The following MRTFB variants were observed in gnomAD, a reference collection of about 807,000 sequenced individuals.
MRTFB encodes the protein myocardin related transcription factor B, also known as myocardin-related transcription factor B.
A neutral mutation model predicts 104.2 loss-of-function variants in MRTFB; 29 were observed. That is an observed-to-expected ratio of 0.28 (90% CI 0.21 to 0.38). The LOEUF (loss-of-function observed/expected upper bound fraction) is 0.38. Among genes scored for constraint, MRTFB ranks in the 10% least tolerant of loss-of-function variants. The pLI is 1.00. For missense variants in MRTFB, 1,270 were observed against 1,341.6 expected (o/e 0.95, Z 0.83); for synonymous variants, 535 against 519.5 (o/e 1.03, Z -0.41).
chr16:14,127,072 C>T (rs576208949), intron 2 of MRTFB, among the ~76,000 whole-genome samples: 1 of 152,302 alleles, frequency 6.6e-6, no homozygotes, highest in East Asian at 1.9e-4. Context: ...AGGGGGTTAA[C>T]TAACTTGCCC....
the MRTFB span, among the ~76,000 whole-genome samples, chr16:14,006,909 T>G: frequency 1.3e-5 from 2 of 151,856 alleles, no homozygotes; most frequent in Non-Finnish European, 2.9e-5. Flanking sequence ...CTCAGCTACT[T>G]GGGAGGCTGA....
At chr16:14,236,717 T>C (rs1330396791) in intron 9 of MRTFB, among the ~76,000 whole-genome samples, 2 of 152,104 alleles carry the variant, frequency 1.3e-5, no homozygotes, top group East Asian at 3.9e-4. Context: ...GCAGACAGGG[T>C]GTGGCCAGAG....
In MRTFB at chr16:14,140,545, G is replaced by C. The variant is rs1042467647; in HGVS notation, c.-62G>C. ...TTTACACATTCTTTATTTTGGCAGTGTCTTCAATAGGCCGTGTTTAAGAGG... is the reference window on the plus strand; with the variant it reads ...TTTACACATTCTTTATTTTGGCAGTCTCTTCAATAGGCCGTGTTTAAGAGG... On this transcript the variant is annotated splice_region_variant and 5_prime_UTR_variant, in exon 3 of 17. Transcript: ENST00000571589. 68 of 1,588,240 alleles carry C rather than the reference G, an allele frequency of 4.3e-5. No individual in the cohort carries two copies. The highest frequency in any genetic ancestry group is 5.4e-5 in the Non-Finnish European group (63 of 1,162,028).
rs1205213023 is a variant in MRTFB at position 14,074,660 on chromosome 16, A to G, written c.-129+3295A>G. 3.9e-5 allele frequency among the ~76,000 whole-genome samples: 6 copies of G among 152,314 alleles called. No individual in the cohort carries two copies. The South Asian group carries it at 1.2e-3, about 32-fold the overall frequency. ...AGAGTCAATGAAATAGGGAATATGT[A>G]AAAATTATTACATAATTTTACTACA... On this transcript the variant is annotated intron_variant, in intron 1 of 16. Transcript: ENST00000571589.
the MRTFB span, among the ~76,000 whole-genome samples, chr16:14,035,711 G>T: frequency 2.0e-5 from 3 of 152,006 alleles, no homozygotes; most frequent in Non-Finnish European, 4.4e-5. Context: ...AAAAAAAAAT[G>T]ATTTCCATAT....
At chr16:14,092,567 T>A (rs546074764) in intron 2 of MRTFB, among the ~76,000 whole-genome samples, 1 of 152,356 alleles carries the variant, frequency 6.6e-6, no homozygotes, top group South Asian at 2.1e-4. Context: ...CCAGTAATTA[T>A]CTGCTGACAG....
intron 8 of MRTFB, among the ~76,000 whole-genome samples, chr16:14,220,272 TG>T: frequency 6.6e-6 from 1 of 152,338 alleles, no homozygotes. Context: ...ATGTCAAGTA[TG>T]CAAGTAGATA....
At chr16:14,116,431 A>C (rs978882989) in intron 2 of MRTFB, among the ~76,000 whole-genome samples, 1 of 152,150 alleles carries the variant, frequency 6.6e-6, no homozygotes, top group Non-Finnish European at 1.5e-5. Context: ...AATTCTCTGG[A>C]GCAAGCATCT....
chr16:14,035,148 C>T, the MRTFB span, among the ~76,000 whole-genome samples: 1 of 152,208 alleles, frequency 6.6e-6, no homozygotes, highest in Non-Finnish European at 1.5e-5. Flanking sequence ...TGCTCAGTTA[C>T]ATCCTAAACA....
chr16:14,189,731 G>T (rs766936065), intron 3 of MRTFB, among the ~76,000 whole-genome samples: 2 of 152,080 alleles, frequency 1.3e-5, no homozygotes, highest in Non-Finnish European at 2.9e-5. Flanking sequence ...GATAAATTTG[G>T]GTTCATTTAA....
At chr16:14,013,803 C>T in the MRTFB span, among the ~76,000 whole-genome samples, 1 of 152,174 alleles carries the variant, frequency 6.6e-6, no homozygotes, top group East Asian at 1.9e-4. Flanking sequence ...CAGCTGCTAA[C>T]CACTTTCCCA....
At chr16:14,062,644 G>A in the MRTFB span, among the ~76,000 whole-genome samples, 4 of 152,166 alleles carry the variant, frequency 2.6e-5, no homozygotes, top group Non-Finnish European at 5.9e-5. Flanking sequence ...GGATGGAAAC[G>A]CGAGCTGGTT....
intron 2 of MRTFB, among the ~76,000 whole-genome samples, chr16:14,136,826 A>G (rs1391155169): frequency 6.6e-6 from 1 of 151,544 alleles, no homozygotes; most frequent in African/African-American, 2.4e-5. Flanking sequence ...TTGTTTTTTG[A>G]GAGAAGTTGT....
intron 1 of MRTFB, among the ~76,000 whole-genome samples, chr16:14,077,831 C>T (rs778546448): frequency 4.0e-5 from 6 of 151,870 alleles, no homozygotes; most frequent in Admixed American, 3.3e-4. Flanking sequence ...ACCCATCTCA[C>T]TTTCAAAAAA....
chr16:14,156,309 T>C (rs2038827351), intron 3 of MRTFB, among the ~76,000 whole-genome samples: 1 of 152,222 alleles, frequency 6.6e-6, no homozygotes, highest in Admixed American at 6.5e-5. Flanking sequence ...ACATGCTTCC[T>C]CTCAGTACAT....
At chr16:14,014,851 G>C in the MRTFB span, among the ~76,000 whole-genome samples, 1 of 152,150 alleles carries the variant, frequency 6.6e-6, no homozygotes, top group Admixed American at 6.5e-5. Flanking sequence ...CCTGGCGACA[G>C]GGCAAGACTC....
At chr16:14,008,097 G>A in the MRTFB span, among the ~76,000 whole-genome samples, 6 of 152,100 alleles carry the variant, frequency 3.9e-5, no homozygotes, top group Non-Finnish European at 8.8e-5. Context: ...TGGGCATGGC[G>A]GTACATGTTT....
chr16:14,116,111 C>T (rs1309165657), intron 2 of MRTFB, among the ~76,000 whole-genome samples: 2 of 152,196 alleles, frequency 1.3e-5, no homozygotes, highest in African/African-American at 4.8e-5. Flanking sequence ...TCATTCAAAA[C>T]TCATTATGAT....
chr16:14,223,418 T>TTAAAG (rs1231038830), intron 8 of MRTFB, among the ~76,000 whole-genome samples: 15 of 152,170 alleles, frequency 9.9e-5, no homozygotes, highest in Non-Finnish European at 7.4e-5. Context: ...GACAAAGACT[T>TTAAAG]TAAAGTAATT....
Sources: gnomAD v4.1 joint callset for allele counts (sites outside exome capture counted in the v4.1 genomes callset) on GRCh38, gnomAD v4.1.1 for gene constraint, MANE v1.5 for transcripts, NCBI Gene and HGNC (gene_info 2026-07-23, HGNC 2026-07-21) for gene names.